The following B4GALT6 variants were observed in gnomAD, a reference collection of about 807,000 sequenced individuals.
B4GALT6 encodes the protein beta-1,4-galactosyltransferase 6, also known as UDP-Gal:beta-GlcNAc beta-1,4-galactosyltransferase 6.
In B4GALT6, 14 loss-of-function variants were observed where a neutral mutation model predicts 46.3. That is an observed-to-expected ratio of 0.30 (90% CI 0.20 to 0.47). B4GALT6 has a LOEUF of 0.47. B4GALT6 is among the 20% of genes least tolerant of loss of function. The pLI is 0.99. For missense variants in B4GALT6, 386 were observed against 480.1 expected, an observed-to-expected ratio of 0.80 and a Z score of 1.83; for synonymous variants, 168 against 162.0, an observed-to-expected ratio of 1.04 and a Z score of -0.28.
chr18:31,671,555 G>A (rs927869834), intron 1 of B4GALT6, among the ~76,000 whole-genome samples: 1 of 152,200 alleles, frequency 6.6e-6, no homozygotes, highest in African/African-American at 2.4e-5. Flanking sequence ...CTTTTGAGAA[G>A]TGTCTGTTCA....
chr18:31,690,407 A>G (rs8084681), upstream of B4GALT6, among the ~76,000 whole-genome samples: 12,302 of 152,204 alleles, frequency 0.081, 1,040 homozygotes, highest in African/African-American at 0.21. Context: ...CAGGGATTAC[A>G]GGTGTAAGCC....
chr18:31,697,467 C>G, the B4GALT6 span, among the ~76,000 whole-genome samples: 15 of 107,794 alleles, frequency 1.4e-4, no homozygotes, highest in Admixed American at 1.5e-3. Flanking sequence ...CAGCGAGGGT[C>G]GGGGGTGGGT....
In B4GALT6 at chr18:31,651,872, G is replaced by A. The variant is rs185278617; in HGVS notation, c.346+6104C>T. ...TGCCAGCTCCACCTCCTGGGTTCAC[G>A]CCATTCTCCTGCCTCAGCCTCCCCA... On this transcript the variant is annotated intron_variant, in intron 3 of 8. Transcript: ENST00000306851. Among the ~76,000 whole-genome samples the A allele has an allele frequency of 3.9e-3, 591 of 152,210 alleles. 2 individuals carry two copies. Among genetic ancestry groups the A allele is most frequent in the Admixed American group, 7.6e-3 (116 of 15,290 alleles).
the B4GALT6 span, among the ~76,000 whole-genome samples, chr18:31,715,438 A>G: frequency 6.7e-6 from 1 of 149,822 alleles, no homozygotes; most frequent in Admixed American, 6.7e-5. Flanking sequence ...TATATTGCCC[A>G]GTCTGGTCTT....
upstream of B4GALT6, among the ~76,000 whole-genome samples, chr18:31,688,260 C>CATATATATATATATATACGT (rs549734087): frequency 7.1e-5 from 10 of 140,816 alleles, no homozygotes; most frequent in African/African-American, 2.1e-4. Context: ...TATATATATA[C>CATATATATATATATATACGT]ATATATATAT....
chr18:31,688,501 A>G (rs921256310), upstream of B4GALT6, among the ~76,000 whole-genome samples: 8 of 152,032 alleles, frequency 5.3e-5, no homozygotes, highest in African/African-American at 1.9e-4. Flanking sequence ...CTGTATGATA[A>G]TTCTGTATTG....
intron 6 of B4GALT6, among the ~76,000 whole-genome samples, chr18:31,630,013 G>A (rs1184446180): frequency 1.4e-5 from 2 of 147,378 alleles, no homozygotes; most frequent in East Asian, 2.0e-4. Flanking sequence ...GAAGGATGAG[G>A]TGGAGAAGGA....
chr18:31,678,235 G>A (rs970044602), intron 1 of B4GALT6, among the ~76,000 whole-genome samples: 1 of 152,064 alleles, frequency 6.6e-6, no homozygotes, highest in African/African-American at 2.4e-5. Flanking sequence ...TTAAGAGGCG[G>A]TCATCTACCC....
At chr18:31,683,319 G>A (rs1270157986) in intron 1 of B4GALT6, among the ~76,000 whole-genome samples, 1 of 152,114 alleles carries the variant, frequency 6.6e-6, no homozygotes, top group Non-Finnish European at 1.5e-5. Flanking sequence ...TAGCTAACTC[G>A]GAACAAAGAG....
intron 3 of B4GALT6, among the ~76,000 whole-genome samples, chr18:31,651,387 A>C (rs1395180748): frequency 6.6e-6 from 1 of 151,742 alleles, no homozygotes; most frequent in Admixed American, 6.6e-5. Context: ...TTGTATTGTG[A>C]CTCCACCAGG....
chr18:31,679,149 G>T (rs145512132), intron 1 of B4GALT6, among the ~76,000 whole-genome samples: 17 of 152,276 alleles, frequency 1.1e-4, no homozygotes, highest in Admixed American at 2.6e-4. Flanking sequence ...AGGCAGTAAT[G>T]ATAAGCACTG....
At chr18:31,719,397 A>T in the B4GALT6 span, among the ~76,000 whole-genome samples, 1 of 152,218 alleles carries the variant, frequency 6.6e-6, no homozygotes, top group African/African-American at 2.4e-5. Flanking sequence ...CGGAGGGGAA[A>T]AATCAATGGA....
At position 31,625,668 on chromosome 18, in the gene B4GALT6, A is replaced by G; in HGVS notation, c.1095T>C (p.Tyr365=). ...GCATGAGGTTTACAGATATGTTTGT[A>G]TACAACCTATCAACCAGTATTTTTG... ...YRPKILVDRL[Y]TNISVNLMPE... Residue 365 remains tyrosine (Y), a synonymous_variant, in exon 9 of 9, where the codon TAT becomes TAC. Transcript: ENST00000306851. 2 of 1,613,670 alleles carry G rather than the reference A, an allele frequency of 1.2e-6. No homozygotes were observed. The highest frequency in any genetic ancestry group is 1.6e-4 in the Middle Eastern group (1 of 6,062).
intron 4 of B4GALT6, among the ~76,000 whole-genome samples, chr18:31,642,103 C>T (rs1345522413): frequency 1.3e-5 from 2 of 152,262 alleles, no homozygotes; most frequent in Admixed American, 6.5e-5. Flanking sequence ...ACTGGAGGCA[C>T]TTGGTTAAAA....
At chr18:31,689,295 C>T (rs1388231071), upstream of B4GALT6, among the ~76,000 whole-genome samples, 2 of 152,126 alleles carry the variant, frequency 1.3e-5, no homozygotes, top group Non-Finnish European at 1.5e-5. Context: ...GCCAGCCCAA[C>T]AGAAATGAGA....
chr18:31,680,428 G>A (rs1379972062), intron 1 of B4GALT6, among the ~76,000 whole-genome samples: 3 of 152,040 alleles, frequency 2.0e-5, no homozygotes, highest in African/African-American at 7.2e-5. Context: ...ACTACCCATC[G>A]CCATCAGCTC....
In B4GALT6 at chr18:31,627,141, T is replaced by G. The variant is rs1231880026; in HGVS notation, c.777-20A>C. 1 of 1,570,278 alleles carries G rather than the reference T, an allele frequency of 6.4e-7. No individual in the cohort carries two copies. ...GGAAGACTAGAAAAGAAAGACACAG[T>G]ATTCTAAAAATAAAATCATAATAAT... On this transcript the variant is annotated intron_variant, in intron 6 of 8. Transcript: ENST00000306851.
In B4GALT6 at chr18:31,631,077, C is replaced by G; in HGVS notation, c.658G>C (p.Val220Leu). 1 of 1,614,192 alleles carries G rather than the reference C, an allele frequency of 6.2e-7. No individual in the cohort carries two copies. Among genetic ancestry groups the G allele is most frequent in the Non-Finnish European group, 8.5e-7 (1 of 1,180,024 alleles). The change falls in exon 6 of 9, where the codon GTC becomes CTC. Residue 220 changes from valine to leucine, a missense_variant. Val to Leu is a conservative substitution (Grantham distance 32). Coordinates refer to ENST00000306851, the MANE Select transcript of B4GALT6 (RefSeq NM_004775.5). Reference protein sequence around the residue: ...VGFKEAMKDSVWDCVIFHDVD... With the variant: ...VGFKEAMKDSLWDCVIFHDVD... ...TCGTGGAAGATTACACAGTCCCAGACACTGTCTTTCATGGCCTCTTTGAAG... is the reference window on the plus strand; with the variant it reads ...TCGTGGAAGATTACACAGTCCCAGAGACTGTCTTTCATGGCCTCTTTGAAG...
chr18:31,701,929 C>T, the B4GALT6 span, among the ~76,000 whole-genome samples: 1 of 151,814 alleles, frequency 6.6e-6, no homozygotes, highest in African/African-American at 2.4e-5. Flanking sequence ...AAAGCACTTA[C>T]ATAAGAAGAA....
Sources: gnomAD v4.1 joint callset for allele counts (sites outside exome capture counted in the v4.1 genomes callset) on GRCh38, gnomAD v4.1.1 for gene constraint, MANE v1.5 for transcripts, NCBI Gene and HGNC (gene_info 2026-07-23, HGNC 2026-07-21) for gene names.